The following PPP1R2 variants were observed in gnomAD, a reference collection of about 807,000 sequenced individuals.
PPP1R2 encodes the protein protein phosphatase inhibitor 2.
In PPP1R2, 16 loss-of-function variants were observed where a neutral mutation model predicts 29.9. That is an observed-to-expected ratio of 0.53 (90% CI 0.36 to 0.81). The LOEUF is 0.81. Among genes scored for constraint, PPP1R2 ranks in the 30% least tolerant of loss-of-function variants. The pLI is 0.00. For synonymous variants in PPP1R2, 76 were observed against 91.5 expected (o/e 0.83, Z 0.96); for missense variants, 197 against 252.7 (o/e 0.78, Z 1.49).
Position 195,516,740 on chromosome 3 carries a change from A to G in PPP1R2, c.*156T>C, listed in dbSNP as rs560234245. 5.5e-5 allele frequency: 35 copies of G among 631,552 alleles called. 1 individual carries two copies. The highest frequency in any genetic ancestry group is 2.2e-4 in the South Asian group (11 of 49,238). 39.1% of individuals were successfully genotyped at this position (631,552 alleles called of 1,614,324 possible). ...TATATCGATTAGGCATTTTCAGTCT[A>G]ATCAGTCTCTAAGTTTATCATTTAA... On this transcript the variant is annotated 3_prime_UTR_variant, in exon 6 of 6. Transcript: ENST00000618156.
At chr3:195,530,872 G>C (rs1719154726) in intron 1 of PPP1R2, among the ~76,000 whole-genome samples, 1 of 151,836 alleles carries the variant, frequency 6.6e-6, no homozygotes, top group African/African-American at 2.4e-5. Context: ...GCCCAGGCTG[G>C]AGTGCAATGG....
chr3:195,525,491 A>C (rs1369788871), intron 2 of PPP1R2, among the ~76,000 whole-genome samples: 1 of 152,214 alleles, frequency 6.6e-6, no homozygotes, highest in Non-Finnish European at 1.5e-5. Context: ...AAAATACTAC[A>C]AAGTTCCAAT....
intron 1 of PPP1R2, among the ~76,000 whole-genome samples, chr3:195,537,482 TG>T (rs1363486087): frequency 0.021 from 234 of 11,328 alleles, 4 homozygotes; most frequent in African/African-American, 0.071. Flanking sequence ...GATTAGCTAT[TG>T]TGTGTGTGTG....
At chr3:195,528,785 A>G (rs1334137880) in intron 2 of PPP1R2, 3 of 133,630 alleles carry the variant, frequency 2.2e-5, no homozygotes, top group African/African-American at 8.4e-5. Context: ...CCTGGCCTGA[A>G]GCAATACTCC....
chr3:195,519,243 G>A, intron 4 of PPP1R2, 58 bp from the exon 5 acceptor site: 1 of 1,257,540 alleles, frequency 8.0e-7, no homozygotes, highest in Non-Finnish European at 1.1e-6. Context: ...GCCCATGCCT[G>A]TTTTATAAAT....
chr3:195,527,778 G>A lies in PPP1R2; in HGVS notation c.230+2016C>T, dbSNP rs1719026166. The A allele has an allele frequency of 2.7e-5, 5 of 188,480 alleles. No homozygotes were observed. In the South Asian group the frequency reaches 4.0e-4, roughly 15 times the overall value. The allele number at this position is 188,480 out of a possible 1,614,324, so 11.7% of individuals were successfully genotyped here. On this transcript the variant is annotated intron_variant, in intron 2 of 5. Transcript: ENST00000618156. ...GCTACCTGGGAGGCGGAGGAGGGAG[G>A]ATCACTTGAGTCGGGAGTTCCAGGC... is the stretch of plus-strand genomic sequence containing the variant.
At chr3:195,541,216 C>G (rs1719579346) in intron 1 of PPP1R2, among the ~76,000 whole-genome samples, 1 of 152,104 alleles carries the variant, frequency 6.6e-6, no homozygotes, top group South Asian at 2.1e-4. Flanking sequence ...AGAGGCCAAT[C>G]CATAGATTGG....
chr3:195,523,586 C>G (rs1178175847), intron 4 of PPP1R2, 106 bp downstream of exon 4: 10 of 832,386 alleles, frequency 1.2e-5, no homozygotes, highest in Non-Finnish European at 2.0e-5. Flanking sequence ...TTCTCCTCCC[C>G]TGTGTGTCCC....
At chr3:195,536,819 C>T (rs577050669) in intron 1 of PPP1R2, among the ~76,000 whole-genome samples, 10 of 146,516 alleles carry the variant, frequency 6.8e-5, no homozygotes, top group Non-Finnish European at 1.2e-4. Context: ...AAGACAACGA[C>T]GACAACTGAT....
chr3:195,517,005 C>A, intron 5 of PPP1R2, 63 bp from the exon 6 acceptor site: 1 of 1,338,182 alleles, frequency 7.5e-7, no homozygotes, highest in South Asian at 1.2e-5. Flanking sequence ...GGCTAAAGTT[C>A]CCTTCTATTA....
Position 195,523,732 on chromosome 3 carries a change from G to A in PPP1R2, c.363C>T (p.Ser121=). 1 of 1,614,128 alleles carries A rather than the reference G, an allele frequency of 6.2e-7. No homozygotes were observed. Among genetic ancestry groups the A allele is most frequent in the East Asian group, 2.2e-5 (1 of 44,880 alleles). Residue 121 remains serine (S), a synonymous_variant, in exon 4 of 6, where the codon AGC becomes AGT. Coordinates refer to ENST00000618156, the MANE Select transcript of PPP1R2 (RefSeq NM_006241.8). Reference sequence around the variant, plus strand: ...AGAGGTCACTATCCTCCTCTCCACTGCTTTCTTGTTCCTGAATCCGATACT... The same window carrying A: ...AGAGGTCACTATCCTCCTCTCCACTACTTTCTTGTTCCTGAATCCGATACT... ...EPKYRIQEQE[S]SGEEDSDLSP... is the part of the protein sequence containing the mutation.
intron 5 of PPP1R2, among the ~76,000 whole-genome samples, chr3:195,517,387 A>G (rs1269213123): frequency 6.6e-6 from 1 of 152,164 alleles, no homozygotes; most frequent in Admixed American, 6.5e-5. Context: ...TATAGAACTT[A>G]GAGATCTGAA....
At chr3:195,539,032 A>T (rs1719493655) in intron 1 of PPP1R2, among the ~76,000 whole-genome samples, 1 of 152,218 alleles carries the variant, frequency 6.6e-6, no homozygotes, top group Non-Finnish European at 1.5e-5. Flanking sequence ...ATAATTCCCA[A>T]AACACATTTT....
At chr3:195,537,320 CA>C (rs1195338038) in intron 1 of PPP1R2, among the ~76,000 whole-genome samples, 1 of 151,862 alleles carries the variant, frequency 6.6e-6, no homozygotes, top group Non-Finnish European at 1.5e-5. Context: ...ATATGCTATT[CA>C]ATGCTGTTTT....
intron 5 of PPP1R2, 64 bp from the exon 6 acceptor site, chr3:195,517,006 C>T (rs920397895): frequency 1.5e-6 from 2 of 1,325,448 alleles, no homozygotes; most frequent in African/African-American, 2.9e-5. Flanking sequence ...GCTAAAGTTC[C>T]CTTCTATTAG....
intron 5 of PPP1R2, among the ~76,000 whole-genome samples, chr3:195,518,266 A>T (rs1475808094): frequency 2.6e-5 from 4 of 152,184 alleles, no homozygotes; most frequent in Non-Finnish European, 5.9e-5. Flanking sequence ...CAGTTAAATA[A>T]CTTGTCAATC....
chr3:195,524,246 G>A (rs1718876846), intron 3 of PPP1R2, among the ~76,000 whole-genome samples: 1 of 152,142 alleles, frequency 6.6e-6, no homozygotes, highest in South Asian at 2.1e-4. Flanking sequence ...CAGGGGCCAG[G>A]CGCGGTGGTT....
At chr3:195,528,906 G>A (rs143764058) in intron 2 of PPP1R2, 45 of 145,842 alleles carry the variant, frequency 3.1e-4, no homozygotes, top group Admixed American at 8.5e-4. Flanking sequence ...TGCTCTTGTC[G>A]CCCAGGCTGG....
intron 2 of PPP1R2, among the ~76,000 whole-genome samples, chr3:195,527,549 C>A (rs1214854937): frequency 2.6e-5 from 4 of 152,190 alleles, no homozygotes; most frequent in Admixed American, 2.0e-4. Context: ...AGGCGTTGAG[C>A]CACTGCACCT....
Sources: gnomAD v4.1 joint callset for allele counts (sites outside exome capture counted in the v4.1 genomes callset) on GRCh38, gnomAD v4.1.1 for gene constraint, MANE v1.5 for transcripts, NCBI Gene and HGNC (gene_info 2026-07-23, HGNC 2026-07-21) for gene names.